Variants in MED1 observed in about 807,000 individuals in gnomAD.
The protein encoded by MED1 is mediator of RNA polymerase II transcription subunit 1.
A neutral mutation model predicts 121.3 loss-of-function variants in MED1; 17 were observed. The observed-to-expected ratio is 0.14, with a 90% confidence interval of 0.10 to 0.21. MED1 has a LOEUF of 0.21. Among genes scored for constraint, MED1 ranks in the 10% least tolerant of loss-of-function variants. The pLI, the probability that MED1 is intolerant of heterozygous loss-of-function variation, is 1.00. For missense variants in MED1, 1,558 were observed against 1,919.4 expected (o/e 0.81, Z 3.52); for synonymous variants, 661 against 694.4 (o/e 0.95, Z 0.76).
At chr17:39,427,933 T>C (rs1308581477) in intron 9 of MED1, 143 bp from the exon 10 acceptor site, 1 of 569,388 alleles carries the variant, frequency 1.8e-6, no homozygotes, top group Non-Finnish European at 3.0e-6. Flanking sequence ...GCTTATGAAA[T>C]ATGGCAGGTG....
chr17:39,415,015 G>T lies in MED1; in HGVS notation c.1499+11C>A, dbSNP rs2048395911. ...CTAAATGGGACTCAGATGAAAAAGG[G>T]CCAAGGCTACCTTTGAACAACTTTG... On this transcript the variant is annotated intron_variant, in intron 16 of 16. Coordinates refer to ENST00000300651, the MANE Select transcript of MED1 (RefSeq NM_004774.4). 2 of 1,610,932 alleles carry T rather than the reference G, an allele frequency of 1.2e-6. No homozygotes were observed. Among genetic ancestry groups the T allele is most frequent in the African/African-American group, 2.7e-5 (2 of 74,832 alleles).
chr17:39,439,947 A>AT, intron 5 of MED1, among the ~76,000 whole-genome samples: 2 of 150,618 alleles, frequency 1.3e-5, no homozygotes, highest in East Asian at 3.9e-4. Flanking sequence ...AAAAAAAAAA[A>AT]GAAAAAGAAG....
intron 10 of MED1, 94 bp from the exon 11 acceptor site, chr17:39,424,832 C>A: frequency 1.4e-6 from 1 of 731,562 alleles, no homozygotes; most frequent in South Asian, 1.6e-5. Context: ...CAATATTTGT[C>A]AGCTATAATT....
chr17:39,423,905 A>T, intron 11 of MED1, 84 bp from the exon 12 acceptor site: 1 of 1,435,932 alleles, frequency 7.0e-7, no homozygotes, highest in Non-Finnish European at 9.3e-7. Context: ...TTTTTGAGAC[A>T]GATTTTCCCT....
chr17:39,438,930 T>C lies in MED1; in HGVS notation c.428+235A>G, dbSNP rs140951649. Reference sequence around the variant, plus strand: ...CGCCACTGCACTCCAGCCTGGGCAATAGAGCAAGACTCCATCTCAAAACAA... The same window carrying C: ...CGCCACTGCACTCCAGCCTGGGCAACAGAGCAAGACTCCATCTCAAAACAA... On this transcript the variant is annotated intron_variant, in intron 6 of 16. Coordinates refer to ENST00000300651, the MANE Select transcript of MED1 (RefSeq NM_004774.4). Among the ~76,000 whole-genome samples, 516 of 152,162 alleles carry C rather than the reference T, an allele frequency of 3.4e-3. 5 individuals carry two copies. The highest frequency in any genetic ancestry group is 0.012 in the African/African-American group (491 of 41,532).
intron 16 of MED1, among the ~76,000 whole-genome samples, chr17:39,412,006 CAA>C (rs72106224): frequency 1.1e-3 from 146 of 133,884 alleles, no homozygotes; most frequent in Non-Finnish European, 1.4e-3. Flanking sequence ...GACTCCATCT[CAA>C]AAAAAAAAAA....
In MED1 at chr17:39,405,184, G is replaced by C. The variant is rs1261490747; in HGVS notation, c.*2291C>G. 6.5e-7 allele frequency: 1 copy of C among 1,536,982 alleles called. No individual in the cohort carries two copies. Among genetic ancestry groups the C allele is most frequent in the East Asian group, 2.4e-5 (1 of 41,394 alleles). On this transcript the variant is annotated 3_prime_UTR_variant, in exon 17 of 17. Coordinates refer to ENST00000300651, the MANE Select transcript of MED1 (RefSeq NM_004774.4). ...TGCAGTGCTCCCTGGTTCTCAGGCA[G>C]GGTGAAGCAGTTTAGCCCCGGCTCC...
Position 39,410,498 on chromosome 17 carries a change from A to G in MED1, c.1723T>C (p.Leu575=). 1 of 1,613,998 alleles carries G rather than the reference A, an allele frequency of 6.2e-7. No homozygotes were observed. Among genetic ancestry groups the G allele is most frequent in the Non-Finnish European group, 8.5e-7 (1 of 1,180,006 alleles). The part of the protein sequence containing the change: ...NTFPGGPITT[L]FNMSMSIKDR... ...TTGATGCTCATGCTCATATTAAACA[A>G]GGTGGTAATGGGACCCCCCGGAAAG... The change falls in exon 17 of 17, where the codon TTG becomes CTG. Residue 575 remains leucine, a synonymous_variant. Coordinates refer to ENST00000300651, the MANE Select transcript of MED1 (RefSeq NM_004774.4).
At chr17:39,410,780 G>C (rs1250720656) in intron 16 of MED1, 59 bp from the exon 17 acceptor site, 17 of 1,528,960 alleles carry the variant, frequency 1.1e-5, no homozygotes, top group Non-Finnish European at 1.5e-5. Context: ...TGAGACCTGA[G>C]ATTTAGATAT....
chr17:39,409,369 C>T lies in MED1; in HGVS notation c.2852G>A (p.Ser951Asn). 6.2e-7 allele frequency: 1 copy of T among 1,614,122 alleles called. No homozygotes were observed. Among genetic ancestry groups the T allele is most frequent in the Non-Finnish European group, 8.5e-7 (1 of 1,180,018 alleles). Residue 951 changes from serine (S) to asparagine (N), a missense_variant, in exon 17 of 17, where the codon AGT becomes AAT. Physicochemically the swap from Ser to Asn is conservative, Grantham distance 46 (BLOSUM62 1). Around this residue, in one of 5 missense-constraint regions of MED1, gnomAD observed 793 missense variants for 898.2 expected, o/e 0.88. Coordinates refer to ENST00000300651, the MANE Select transcript of MED1 (RefSeq NM_004774.4). ...GGTCAGTAAAGGACCCTGACTACCACTGTGATGCTCCATAAGATCTGCAGG... is the reference window on the plus strand; with the variant it reads ...GGTCAGTAAAGGACCCTGACTACCATTGTGATGCTCCATAAGATCTGCAGG... ...LAPADLMEHH[S>N]GSQGPLLTTG...
Position 39,410,652 on chromosome 17 carries a change from T to A in MED1, c.1569A>T (p.Pro523=). Residue 523 remains proline (P), a synonymous_variant, in exon 17 of 17, where the codon CCA becomes CCT. Coordinates refer to ENST00000300651, the MANE Select transcript of MED1 (RefSeq NM_004774.4). ...CTGTCTCTGCAATGAGGGACAGTGCTGGGGTGTCGGCTTGAATGGTTTCAG... is the reference window on the plus strand; with the variant it reads ...CTGTCTCTGCAATGAGGGACAGTGCAGGGGTGTCGGCTTGAATGGTTTCAG... ...RKAETIQADT[P]ALSLIAETVE... 6.2e-7 allele frequency: 1 copy of A among 1,614,178 alleles called. No individual in the cohort carries two copies. Among genetic ancestry groups the A allele is most frequent in the Non-Finnish European group, 8.5e-7 (1 of 1,180,028 alleles).
intron 2 of MED1, among the ~76,000 whole-genome samples, chr17:39,444,945 T>G (rs1274588369): frequency 6.6e-6 from 1 of 152,068 alleles, no homozygotes; most frequent in East Asian, 1.9e-4. Context: ...AAGAAGTTTC[T>G]CTCTGAAAAA....
Position 39,415,344 on chromosome 17 carries a change from A to G in MED1, c.1298-5T>C. On this transcript the variant is annotated splice_polypyrimidine_tract_variant and splice_region_variant and intron_variant, in intron 14 of 16. Transcript: ENST00000300651. ...ATTGGAGAAGCCCAGGAGAATCTAA[A>G]AGGCAAAGAGAAAGATCATAAAACA... 1 of 1,605,440 alleles carries G rather than the reference A, an allele frequency of 6.2e-7. No individual in the cohort carries two copies. The highest frequency in any genetic ancestry group is 1.1e-5 in the South Asian group (1 of 90,708).
intron 1 of MED1, among the ~76,000 whole-genome samples, chr17:39,450,136 G>C (rs1440964388): frequency 6.6e-6 from 1 of 151,096 alleles, no homozygotes; most frequent in South Asian, 2.1e-4. Flanking sequence ...TTTTTGTAGA[G>C]ACAGGGCCTC....
intron 3 of MED1, among the ~76,000 whole-genome samples, chr17:39,442,556 C>T (rs1221628504): frequency 6.8e-6 from 1 of 146,290 alleles, no homozygotes; most frequent in Non-Finnish European, 1.5e-5. Context: ...AAGATTGTGC[C>T]ACTGCACTCC....
Position 39,405,959 on chromosome 17 carries a change from C to T in MED1, c.*1516G>A, listed in dbSNP as rs2048299870. 1.0e-6 allele frequency: 1 copy of T among 985,330 alleles called. No individual in the cohort carries two copies. The highest frequency in any genetic ancestry group is 1.2e-6 in the Non-Finnish European group (1 of 829,972). 61.0% of individuals were successfully genotyped at this position (985,330 alleles called of 1,614,324 possible). ...GTTGTGCTGGGGACCATGCCCCATC[C>T]CGCTGATACAGATCCTGAATGGAAT... On this transcript the variant is annotated 3_prime_UTR_variant, in exon 17 of 17. Coordinates refer to ENST00000300651, the MANE Select transcript of MED1 (RefSeq NM_004774.4).
At chr17:39,438,743 G>A (rs1486743259) in intron 6 of MED1, among the ~76,000 whole-genome samples, 2 of 152,056 alleles carry the variant, frequency 1.3e-5, no homozygotes, top group African/African-American at 4.8e-5. Flanking sequence ...AAAGTGCTGG[G>A]ATTACAGGCG....
chr17:39,428,769 G>A (rs1048649320), intron 9 of MED1, among the ~76,000 whole-genome samples: 6 of 152,022 alleles, frequency 3.9e-5, no homozygotes, highest in Admixed American at 3.9e-4. Context: ...TGGCCAGCAT[G>A]GTGAAACCTT....
At chr17:39,449,806 G>A (rs1331664294) in intron 1 of MED1, among the ~76,000 whole-genome samples, 2 of 129,844 alleles carry the variant, frequency 1.5e-5, no homozygotes, top group African/African-American at 5.4e-5. Context: ...CACCACACCC[G>A]GCCTTTTTTT....
Sources: gnomAD v4.1 joint callset for allele counts (sites outside exome capture counted in the v4.1 genomes callset) on GRCh38, gnomAD v4.1.1 for gene constraint, gnomAD v4.1.1 regional missense constraint, MANE v1.5 for transcripts, NCBI Gene and HGNC (gene_info 2026-07-23, HGNC 2026-07-21) for gene names.